Variants in TMEM131 observed in about 807,000 individuals in gnomAD.
TMEM131 encodes the protein transmembrane protein 131.
A neutral mutation model predicts 211.6 loss-of-function variants in TMEM131; 66 were observed. That is an observed-to-expected ratio of 0.31 (90% CI 0.26 to 0.38). The LOEUF (loss-of-function observed/expected upper bound fraction) is 0.38. Among genes scored for constraint, TMEM131 ranks in the 10% least tolerant of loss-of-function variants. The probability of loss-of-function intolerance (pLI) is 1.00; values close to 1 mark genes in which losing one functional copy is unlikely to be tolerated. For missense variants in TMEM131, 2,036 were observed against 2,299.3 expected, an observed-to-expected ratio of 0.89 and a Z score of 2.34; for synonymous variants, 844 against 841.3, an observed-to-expected ratio of 1.00 and a Z score of -0.06.
At chr2:97,791,797 AG>A (rs750745016) in intron 31 of TMEM131, among the ~76,000 whole-genome samples, 1 of 152,224 alleles carries the variant, frequency 6.6e-6, no homozygotes, top group Non-Finnish European at 1.5e-5. Context: ...AGAACTCTAA[AG>A]CAGGGTTGGC....
At chr2:97,815,328 T>A in intron 12 of TMEM131, 21 bp from the exon 13 acceptor site, 2 of 1,429,310 alleles carry the variant, frequency 1.4e-6, no homozygotes, top group Non-Finnish European at 9.5e-7. Context: ...GCATAAAAAA[T>A]AATCTCTGTT....
At chr2:97,868,025 C>T (rs976545071) in intron 4 of TMEM131, among the ~76,000 whole-genome samples, 3 of 152,160 alleles carry the variant, frequency 2.0e-5, no homozygotes, top group African/African-American at 7.2e-5. Flanking sequence ...GTCCATTGAG[C>T]TCCTTACTCC....
At chr2:97,899,374 G>T (rs12712172) in intron 3 of TMEM131, among the ~76,000 whole-genome samples, 52,367 of 151,872 alleles carry the variant, frequency 0.34, 9,926 homozygotes, top group Middle Eastern at 0.48. Context: ...AATATATAAA[G>T]AACTCTTAAC....
chr2:97,771,740 C>A (rs1679476058), intron 33 of TMEM131, among the ~76,000 whole-genome samples: 1 of 152,220 alleles, frequency 6.6e-6, no homozygotes, highest in South Asian at 2.1e-4. Flanking sequence ...GGGGAAACAG[C>A]CTGCACAAGC....
At chr2:97,937,902 C>A (rs963873145) in intron 1 of TMEM131, among the ~76,000 whole-genome samples, 1 of 152,134 alleles carries the variant, frequency 6.6e-6, no homozygotes, top group Non-Finnish European at 1.5e-5. Context: ...AATTTTCAAC[C>A]CAGAATTTCA....
At chr2:97,877,530 A>G (rs533899117) in intron 4 of TMEM131, among the ~76,000 whole-genome samples, 1 of 152,324 alleles carries the variant, frequency 6.6e-6, no homozygotes, top group South Asian at 2.1e-4. Context: ...GGAACAGAAG[A>G]AAGGCCTCAG....
intron 12 of TMEM131, among the ~76,000 whole-genome samples, chr2:97,817,262 T>G (rs142170294): frequency 2.5e-3 from 388 of 152,248 alleles, no homozygotes; most frequent in African/African-American, 8.9e-3. Flanking sequence ...GTGGAGAATT[T>G]TCCGGCACAT....
At chr2:97,889,200 T>C (rs1487840054) in intron 3 of TMEM131, among the ~76,000 whole-genome samples, 1 of 152,222 alleles carries the variant, frequency 6.6e-6, no homozygotes, top group Non-Finnish European at 1.5e-5. Flanking sequence ...GAACATTCTT[T>C]TGTGTAGCTT....
intron 1 of TMEM131, among the ~76,000 whole-genome samples, chr2:97,936,997 T>C (rs1463385356): frequency 6.6e-6 from 1 of 152,100 alleles, no homozygotes; most frequent in East Asian, 1.9e-4. Context: ...GTAACTGAAA[T>C]GAGCCCCTCC....
Position 97,796,912 on chromosome 2 carries a change from T to C in TMEM131, c.2945A>G (p.Lys982Arg). The change falls in exon 27 of 41, where the codon AAG (lysine) becomes AGG (arginine). Residue 982 changes from lysine (K) to arginine (R), a missense_variant. Physicochemically the swap from Lys to Arg is conservative, Grantham distance 26. This residue lies in a region of TMEM131 where 1,623 missense variants were observed against 1,805.9 expected (regional missense o/e 0.90). Transcript: ENST00000186436. ...TAAGGAGCTTCCTGGACCTGGAAGCTTGCCTGCCACCCTCAAGTTCTCAGT... is the reference window on the plus strand; with the variant it reads ...TAAGGAGCTTCCTGGACCTGGAAGCCTGCCTGCCACCCTCAAGTTCTCAGT... ...GTTENLRVAG[K>R]LPGPGSSLRF... 3.1e-6 allele frequency: 5 copies of C among 1,614,014 alleles called. No homozygotes were observed. Among genetic ancestry groups the C allele is most frequent in the Non-Finnish European group, 4.2e-6 (5 of 1,179,876 alleles).
intron 4 of TMEM131, among the ~76,000 whole-genome samples, chr2:97,866,133 C>T (rs541929676): frequency 2.1e-4 from 32 of 152,252 alleles, no homozygotes; most frequent in African/African-American, 6.7e-4. Flanking sequence ...CCGCCTGCCT[C>T]GCCTCCCAAA....
At chr2:97,989,965 G>C (rs942419920) in intron 1 of TMEM131, among the ~76,000 whole-genome samples, 1 of 152,212 alleles carries the variant, frequency 6.6e-6, no homozygotes, top group Non-Finnish European at 1.5e-5. Flanking sequence ...AAGTCTGCGA[G>C]AGATTTCTGC....
intron 2 of TMEM131, among the ~76,000 whole-genome samples, chr2:97,925,290 G>C (rs1051660721): frequency 2.0e-5 from 3 of 152,202 alleles, no homozygotes; most frequent in African/African-American, 4.8e-5. Flanking sequence ...CAAAGGAACA[G>C]GTTAGAAGAG....
intron 4 of TMEM131, among the ~76,000 whole-genome samples, chr2:97,875,061 C>T (rs1338617317): frequency 2.6e-5 from 4 of 152,108 alleles, no homozygotes; most frequent in Non-Finnish European, 5.9e-5. Flanking sequence ...GCAGGAGTTG[C>T]AATCCTAATC....
chr2:97,815,894 G>A (rs1331588294), intron 12 of TMEM131, among the ~76,000 whole-genome samples: 1 of 152,106 alleles, frequency 6.6e-6, no homozygotes, highest in African/African-American at 2.4e-5. Context: ...CAATAAAGTA[G>A]CATGGTATAA....
At chr2:97,864,907 T>C (rs1246082783) in intron 4 of TMEM131, among the ~76,000 whole-genome samples, 7 of 152,064 alleles carry the variant, frequency 4.6e-5, no homozygotes, top group Non-Finnish European at 8.8e-5. Flanking sequence ...GGGTAAGGAG[T>C]TGATGAGCAG....
At chr2:97,910,404 G>A (rs1676247503) in intron 2 of TMEM131, among the ~76,000 whole-genome samples, 1 of 152,112 alleles carries the variant, frequency 6.6e-6, no homozygotes, top group South Asian at 2.1e-4. Flanking sequence ...ACTGAAAACA[G>A]GGGCTCAAAA....
At chr2:97,975,885 C>A (rs72944837) in intron 1 of TMEM131, among the ~76,000 whole-genome samples, 1,612 of 147,590 alleles carry the variant, frequency 0.011, 35 homozygotes, top group African/African-American at 0.038. Flanking sequence ...AACAAACAAA[C>A]AAACAAAACT....
At chr2:97,826,674 AAGAG>A (rs769138822) in intron 11 of TMEM131, among the ~76,000 whole-genome samples, 20 of 152,190 alleles carry the variant, frequency 1.3e-4, no homozygotes, top group African/African-American at 4.1e-4. Flanking sequence ...AAGAGAAAAA[AAGAG>A]AGACAAAAAA....
Sources: allele counts gnomAD v4.1 joint callset (sites outside exome capture counted in the v4.1 genomes callset), GRCh38; gene constraint gnomAD v4.1.1; regional missense constraint gnomAD v4.1.1; transcripts MANE v1.5; gene names NCBI Gene and HGNC (gene_info 2026-07-23, HGNC 2026-07-21).